UXS1: variants seen among roughly 807,000 people sequenced by gnomAD.
UXS1 encodes UDP-glucuronic acid decarboxylase 1.
UXS1 carries 33 observed loss-of-function variants against 62.6 expected under a neutral mutation model. That is an observed-to-expected ratio of 0.53 (90% CI 0.40 to 0.70). The LOEUF (loss-of-function observed/expected upper bound fraction) is 0.70, where lower values mean the gene tolerates loss of function less well. UXS1 is among the 30% of genes least tolerant of loss of function. The pLI is 0.00. For synonymous variants in UXS1, 213 were observed against 206.8 expected (o/e 1.03, Z -0.26); for missense variants, 434 against 556.3 (o/e 0.78, Z 2.21).
chr2:106,170,964 C>G (rs1386555893), intron 1 of UXS1, among the ~76,000 whole-genome samples: 1 of 152,024 alleles, frequency 6.6e-6, no homozygotes, highest in African/African-American at 2.4e-5. Flanking sequence ...TTATATAGTA[C>G]CAGGAATCAA....
At chr2:106,119,549 C>T (rs1476327647) in intron 9 of UXS1, among the ~76,000 whole-genome samples, 1 of 152,208 alleles carries the variant, frequency 6.6e-6, no homozygotes, top group East Asian at 1.9e-4. Context: ...ACACCCACAG[C>T]AGGCACGCAG....
intron 6 of UXS1, among the ~76,000 whole-genome samples, chr2:106,130,783 T>C (rs1348277915): frequency 6.6e-6 from 1 of 152,150 alleles, no homozygotes; most frequent in Non-Finnish European, 1.5e-5. Context: ...TGTGCACTAG[T>C]CACCCAGTGA....
At position 106,104,798 on chromosome 2, in the gene UXS1, C is replaced by A; in HGVS notation, c.919G>T (p.Val307Phe). The change falls in exon 11 of 15, where the codon GTC becomes TTC. Residue 307 changes from valine to phenylalanine, a missense_variant. Physicochemically the swap from Val to Phe is conservative, Grantham distance 50. This residue lies in a region of UXS1 where 209 missense variants were observed against 233.3 expected (regional missense o/e 0.90). Coordinates refer to ENST00000283148, the MANE Select transcript of UXS1 (RefSeq NM_001253875.2). Reference protein sequence around the residue: ...SGSQTRAFQYVSDLVNGLVAL... With the variant: ...SGSQTRAFQYFSDLVNGLVAL... ...GGCAGGGCAGGACAGTCTTACCTGA[C>A]GTACTGGAACGCCCTTGTCTGAGAC... 6.2e-7 allele frequency: 1 copy of A among 1,613,996 alleles called. No homozygotes were observed. The highest frequency in any genetic ancestry group is 8.5e-7 in the Non-Finnish European group (1 of 1,179,888).
chr2:106,190,435 AATC>A (rs921442122), intron 1 of UXS1, among the ~76,000 whole-genome samples: 2 of 152,118 alleles, frequency 1.3e-5, no homozygotes, highest in Non-Finnish European at 2.9e-5. Flanking sequence ...ATACCAAAAT[AATC>A]AACTAAAAGA....
At chr2:106,184,459 A>G (rs1044237551) in intron 1 of UXS1, among the ~76,000 whole-genome samples, 1 of 152,230 alleles carries the variant, frequency 6.6e-6, no homozygotes, top group East Asian at 1.9e-4. Flanking sequence ...GTCCATGTTC[A>G]GGCTGCTATC....
At chr2:106,094,333 C>T (rs1303672629) in intron 14 of UXS1, among the ~76,000 whole-genome samples, 176 bp from the exon 15 acceptor site, 1 of 150,438 alleles carries the variant, frequency 6.6e-6, no homozygotes, top group Non-Finnish European at 1.5e-5. Flanking sequence ...TCACGGCCCA[C>T]CGAGAGAAGC....
chr2:106,161,614 T>C (rs974021697), intron 4 of UXS1, among the ~76,000 whole-genome samples: 2 of 152,158 alleles, frequency 1.3e-5, no homozygotes, highest in African/African-American at 4.8e-5. Context: ...AACCCCAAAT[T>C]AGTCCTTTAC....
chr2:106,145,148 C>T, intron 6 of UXS1, 42 bp downstream of exon 6: 1 of 1,587,004 alleles, frequency 6.3e-7, no homozygotes, highest in Non-Finnish European at 8.6e-7. Flanking sequence ...GCAAGGCCAC[C>T]TGCGGAGCTC....
intron 5 of UXS1, among the ~76,000 whole-genome samples, chr2:106,147,186 C>T (rs1170916595): frequency 2.0e-5 from 3 of 151,972 alleles, no homozygotes; most frequent in African/African-American, 7.3e-5. Flanking sequence ...TGGGCCCCCT[C>T]TTGGCCAAAC....
At chr2:106,174,091 G>T (rs1478848329) in intron 1 of UXS1, among the ~76,000 whole-genome samples, 1 of 151,910 alleles carries the variant, frequency 6.6e-6, no homozygotes, top group Non-Finnish European at 1.5e-5. Flanking sequence ...AAGAGGATTG[G>T]GGGGGGCGGG....
chr2:106,184,770 C>T (rs1684458976), intron 1 of UXS1, among the ~76,000 whole-genome samples: 2 of 152,164 alleles, frequency 1.3e-5, no homozygotes, highest in Admixed American at 6.5e-5. Flanking sequence ...CCAGGGGACA[C>T]AAACATTCAG....
chr2:106,170,544 C>T (rs1430826083), intron 1 of UXS1, among the ~76,000 whole-genome samples: 2 of 152,164 alleles, frequency 1.3e-5, no homozygotes, highest in African/African-American at 2.4e-5. Context: ...TTCAGACGCG[C>T]TATAACCAAT....
At chr2:106,165,872 TCAGCTGCA>T (rs1683180883) in intron 2 of UXS1, among the ~76,000 whole-genome samples, 176 bp downstream of exon 2, 1 of 152,154 alleles carries the variant, frequency 6.6e-6, no homozygotes, top group Non-Finnish European at 1.5e-5. Flanking sequence ...ATTGTTAAAA[TCAGCTGCA>T]TTCCTTGAGA....
At chr2:106,108,965 G>A (rs887117576) in intron 10 of UXS1, among the ~76,000 whole-genome samples, 4 of 144,900 alleles carry the variant, frequency 2.8e-5, no homozygotes, top group South Asian at 2.4e-4. Flanking sequence ...GATCACCCTC[G>A]ACATCTGACA....
rs1023465976 is a variant in UXS1 at position 106,094,128 on chromosome 2, T to C, written c.1176A>G (p.Ala392=). The C allele has an allele frequency of 1.2e-6, 2 of 1,612,242 alleles. No individual in the cohort carries two copies. The highest frequency in any genetic ancestry group is 1.7e-6 in the Non-Finnish European group (2 of 1,179,774). ...VVPLEEGLNK[A]IHYFRKELEY... ...CGAGTTCTTTACGGAAGTAGTGAAT[T>C]GCTTTGTTTAAACCTTCCTCCAGCG... Residue 392 remains alanine, a synonymous_variant, in exon 15 of 15, where the codon GCA becomes GCG. Transcript: ENST00000283148.
chr2:106,171,439 G>T (rs147783479), intron 1 of UXS1, among the ~76,000 whole-genome samples: 5 of 152,318 alleles, frequency 3.3e-5, no homozygotes, highest in African/African-American at 9.6e-5. Flanking sequence ...GACTAGAGGG[G>T]AGTCTCATGT....
intron 6 of UXS1, among the ~76,000 whole-genome samples, chr2:106,139,104 A>G (rs146620268): frequency 1.0e-3 from 152 of 152,288 alleles, no homozygotes; most frequent in Admixed American, 2.4e-3. Context: ...TCAACTGCAC[A>G]GTTCAGAGTA....
chr2:106,119,685 C>A (rs1573444870), intron 9 of UXS1, among the ~76,000 whole-genome samples: 1 of 152,222 alleles, frequency 6.6e-6, no homozygotes, highest in East Asian at 1.9e-4. Context: ...AGTTGTTGCC[C>A]CAAAGAGGTC....
chr2:106,165,919 G>A lies in UXS1; in HGVS notation c.122+137C>T, dbSNP rs1224512753. 4 of 728,730 alleles carry A rather than the reference G, an allele frequency of 5.5e-6. No individual in the cohort carries two copies. The Admixed American group carries it at 1.4e-4, about 26-fold the overall frequency. The allele number at this position is 728,730 out of a possible 1,614,324, so 45.1% of individuals were successfully genotyped here. On this transcript the variant is annotated intron_variant, in intron 2 of 14. Transcript: ENST00000283148. ...CCCATAGGAGAAAAGAAACAGCTCAGATATGTGAATAGCAAGAACCCACTT... is the reference window on the plus strand; with the variant it reads ...CCCATAGGAGAAAAGAAACAGCTCAAATATGTGAATAGCAAGAACCCACTT...
Sources: allele counts gnomAD v4.1 joint callset (sites outside exome capture counted in the v4.1 genomes callset), GRCh38; gene constraint gnomAD v4.1.1; regional missense constraint gnomAD v4.1.1; transcripts MANE v1.5; gene names NCBI Gene and HGNC (gene_info 2026-07-23, HGNC 2026-07-21).